The following LARP1B variants were observed in gnomAD, a reference collection of about 807,000 sequenced individuals.
LARP1B encodes the protein La ribonucleoprotein 1B, also known as la-related protein 1B.
In LARP1B, 76 loss-of-function variants were observed where a neutral mutation model predicts 114.2. That is an observed-to-expected ratio of 0.67 (90% CI 0.55 to 0.81). The LOEUF (loss-of-function observed/expected upper bound fraction) is 0.81. Ranked by LOEUF, LARP1B falls within the 30% of genes least tolerant of loss-of-function variation. The pLI, the probability that LARP1B is intolerant of heterozygous loss-of-function variation, is 0.00. For missense variants in LARP1B, 1,014 were observed against 1,075.8 expected (o/e 0.94, Z 0.80); for synonymous variants, 345 against 348.0 (o/e 0.99, Z 0.10).
At chr4:128,136,143 AT>A (rs1484956649) in intron 11 of LARP1B, among the ~76,000 whole-genome samples, 1 of 151,980 alleles carries the variant, frequency 6.6e-6, no homozygotes, top group Non-Finnish European at 1.5e-5. Flanking sequence ...AAATACAAAA[AT>A]TAGCTGGGTG....
At chr4:128,074,718 T>C (rs1018211541) in intron 2 of LARP1B, among the ~76,000 whole-genome samples, 200 bp downstream of exon 2, 1 of 152,244 alleles carries the variant, frequency 6.6e-6, no homozygotes, top group Non-Finnish European at 1.5e-5. Flanking sequence ...TTTAATGTTA[T>C]TAAATAGTGG....
chr4:128,121,679 C>T (rs1054041854), intron 10 of LARP1B, 147 bp from the exon 11 acceptor site: 1 of 551,426 alleles, frequency 1.8e-6, no homozygotes. Flanking sequence ...CAAAATAATA[C>T]TCACTTGATT....
At chr4:128,132,340 G>A (rs1791827033) in intron 11 of LARP1B, among the ~76,000 whole-genome samples, 1 of 152,064 alleles carries the variant, frequency 6.6e-6, no homozygotes, top group Non-Finnish European at 1.5e-5. Flanking sequence ...TGTCTCTCGG[G>A]TTCAAGTGAT....
chr4:128,107,277 G>C lies in LARP1B; in HGVS notation c.952G>C (p.Glu318Gln), dbSNP rs375607025. 12 of 1,614,042 alleles carry C rather than the reference G, an allele frequency of 7.4e-6. No homozygotes were observed. The highest frequency in any genetic ancestry group is 9.3e-6 in the Non-Finnish European group (11 of 1,180,028). The change falls in exon 9 of 20, where the codon GAG becomes CAG. Residue 318 changes from glutamate (E) to glutamine (Q), a missense_variant. Coordinates refer to ENST00000326639, the MANE Select transcript of LARP1B (RefSeq NM_018078.4). ...CTTCTCTCAACTGATTGATTGTCCA[G>C]AGTTTGTACCAGGCCAAGCCTTTTG... ...TDFSQLIDCP[E>Q]FVPGQAFCSH...
rs747535208 is a variant in LARP1B at position 128,091,462 on chromosome 4, G to A, written c.618G>A (p.Gln206=). The stretch of plus-strand genomic sequence containing the variant: ...ACTATGATGATGGTACAGGTGTACA[G>A]GTGTATCCTGTGGAAGAAGCATTGC... ...MYYYDDGTGV[Q]VYPVEEALLK... is the part of the protein sequence containing the mutation. Residue 206 remains glutamine, a synonymous_variant, in exon 7 of 20, where the codon CAG becomes CAA. Transcript: ENST00000326639. 5 of 1,610,260 alleles carry A rather than the reference G, an allele frequency of 3.1e-6. No homozygotes were observed. Among genetic ancestry groups the A allele is most frequent in the Non-Finnish European group, 4.2e-6 (5 of 1,177,918 alleles).
intron 1 of LARP1B, chr4:128,061,740 C>T (rs1303915318): frequency 5.1e-6 from 5 of 984,864 alleles, no homozygotes; most frequent in African/African-American, 1.7e-5. Context: ...CGGGAGGATC[C>T]GCCCGCGGTG....
At chr4:128,202,684 A>G (rs1756347502) in intron 17 of LARP1B, among the ~76,000 whole-genome samples, 1 of 152,124 alleles carries the variant, frequency 6.6e-6, no homozygotes, top group African/African-American at 2.4e-5. Flanking sequence ...CTGTGTTCCT[A>G]TACACATACC....
At chr4:128,159,883 C>T (rs1029432440) in intron 11 of LARP1B, among the ~76,000 whole-genome samples, 1 of 152,092 alleles carries the variant, frequency 6.6e-6, no homozygotes, top group African/African-American at 2.4e-5. Context: ...AATTTGTGTC[C>T]CTGTTCCCCA....
chr4:128,097,564 C>A (rs1230347836), intron 7 of LARP1B, among the ~76,000 whole-genome samples: 1 of 152,150 alleles, frequency 6.6e-6, no homozygotes, highest in Non-Finnish European at 1.5e-5. Context: ...ATCTCAGCCT[C>A]CCCAAGTGCT....
Position 128,210,946 on chromosome 4 carries a change from T to A in LARP1B, c.*893T>A. Reference sequence around the variant, plus strand: ...CTGCAAGTGGGTATGTCATAAGGAGTCAGATTATCTTTAATTTAAAATGAA... The same window carrying A: ...CTGCAAGTGGGTATGTCATAAGGAGACAGATTATCTTTAATTTAAAATGAA... On this transcript the variant is annotated 3_prime_UTR_variant, in exon 20 of 20. Transcript: ENST00000326639. 1 of 942,156 alleles carries A rather than the reference T, an allele frequency of 1.1e-6. No individual in the cohort carries two copies. The highest frequency in any genetic ancestry group is 1.3e-6 in the Non-Finnish European group (1 of 790,604). 58.4% of individuals were successfully genotyped at this position (942,156 alleles called of 1,614,324 possible). A position where few individuals can be genotyped will look rare whatever the true frequency, so the allele number is the denominator to read the frequency against.
intron 11 of LARP1B, among the ~76,000 whole-genome samples, chr4:128,136,534 C>G (rs943353955): frequency 1.3e-5 from 2 of 151,988 alleles, no homozygotes; most frequent in Non-Finnish European, 2.9e-5. Context: ...GTTGGTAAAA[C>G]AAATCCACTG....
intron 7 of LARP1B, among the ~76,000 whole-genome samples, chr4:128,093,709 CT>C (rs561778078): frequency 0.55 from 67,555 of 122,354 alleles, 16,655 homozygotes; most frequent in Middle Eastern, 0.72. Context: ...TTTTTTTAAA[CT>C]TTTTTTTTTT....
intron 11 of LARP1B, among the ~76,000 whole-genome samples, chr4:128,131,444 A>T (rs1561347118): frequency 6.6e-6 from 1 of 152,212 alleles, no homozygotes; most frequent in East Asian, 1.9e-4. Context: ...AATATTTGTA[A>T]TATGCAAAGA....
At chr4:128,171,366 CAA>C (rs1262439254) in intron 12 of LARP1B, among the ~76,000 whole-genome samples, 1 of 152,130 alleles carries the variant, frequency 6.6e-6, no homozygotes, top group Non-Finnish European at 1.5e-5. Context: ...TGGCTGGCCT[CAA>C]GAGATTCTCC....
chr4:128,090,198 G>A (rs1329025008), intron 5 of LARP1B, among the ~76,000 whole-genome samples: 3 of 151,424 alleles, frequency 2.0e-5, no homozygotes, highest in East Asian at 3.9e-4. Flanking sequence ...TCAGCCTCCC[G>A]AGTAGCTGGG....
intron 5 of LARP1B, among the ~76,000 whole-genome samples, chr4:128,085,149 C>T (rs1036402098): frequency 4.6e-5 from 7 of 152,094 alleles, no homozygotes; most frequent in African/African-American, 1.7e-4. Context: ...AGGCTTGAGC[C>T]ACTGCGACTG....
intron 7 of LARP1B, 68 bp from the exon 8 acceptor site, chr4:128,098,118 A>G: frequency 8.0e-7 from 1 of 1,247,576 alleles, no homozygotes; most frequent in South Asian, 1.3e-5. Flanking sequence ...TTCACAGTTA[A>G]TGTGGGAGCA....
At chr4:128,143,796 G>GGTGTGTGTGTGTGT (rs72408437) in intron 11 of LARP1B, among the ~76,000 whole-genome samples, 2,417 of 147,910 alleles carry the variant, frequency 0.016, 48 homozygotes, top group East Asian at 0.091. Flanking sequence ...TAAGGCACAG[G>GGTGTGTGTGTGTGT]GTGTGTGTGT....
intron 3 of LARP1B, among the ~76,000 whole-genome samples, chr4:128,076,791 T>G (rs1768091608): frequency 1.3e-5 from 2 of 152,076 alleles, no homozygotes; most frequent in Admixed American, 1.3e-4. Flanking sequence ...AGTGGCATGA[T>G]CTCAGCTCAT....
Sources: allele counts gnomAD v4.1 joint callset (sites outside exome capture counted in the v4.1 genomes callset), GRCh38; gene constraint gnomAD v4.1.1; transcripts MANE v1.5; gene names NCBI Gene and HGNC (gene_info 2026-07-23, HGNC 2026-07-21).